Variants in SASH1 observed in about 807,000 individuals in gnomAD.
The protein encoded by SASH1 is SAM and SH3 domain containing 1, also known as SAM and SH3 domain-containing protein 1.
Under a neutral mutation model 125.2 loss-of-function variants are expected in SASH1, and 44 were observed. The ratio of observed to expected loss-of-function variants is 0.35; its 90% CI spans 0.28 to 0.45. The LOEUF (loss-of-function observed/expected upper bound fraction) is 0.45. Among genes scored for constraint, SASH1 ranks in the 20% least tolerant of loss-of-function variants. SASH1 has a pLI of 1.00. For synonymous variants in SASH1, 639 were observed against 649.1 expected (o/e 0.98, Z 0.24); for missense variants, 1,426 against 1,614.5 (o/e 0.88, Z 2.00).
chr6:148,518,972 C>CCTGT (rs1454973721), intron 9 of SASH1, among the ~76,000 whole-genome samples: 1 of 152,146 alleles, frequency 6.6e-6, no homozygotes, highest in Non-Finnish European at 1.5e-5. Flanking sequence ...TTGCATTTGG[C>CCTGT]CTGTCAGCTG....
intron 1 of SASH1, among the ~76,000 whole-genome samples, chr6:148,320,272 T>C (rs1263618225): frequency 4.6e-5 from 7 of 152,192 alleles, no homozygotes; most frequent in Admixed American, 4.6e-4. Flanking sequence ...TGTGGAAAGA[T>C]CTGGACAAGA....
At chr6:148,530,453 G>A (rs1478926848) in intron 12 of SASH1, among the ~76,000 whole-genome samples, 1 of 151,884 alleles carries the variant, frequency 6.6e-6, no homozygotes, top group Non-Finnish European at 1.5e-5. Context: ...AATAATGTCA[G>A]CTCTAGTTTT....
intron 1 of SASH1, among the ~76,000 whole-genome samples, chr6:148,281,106 C>CTTTTTTT (rs34144143): frequency 1.4e-5 from 1 of 69,238 alleles, no homozygotes; most frequent in Non-Finnish European, 2.6e-5. Flanking sequence ...CCATGCCTAG[C>CTTTTTTT]TTTTTTTTTT....
chr6:148,406,952 C>T (rs537305474), intron 2 of SASH1, among the ~76,000 whole-genome samples: 60 of 152,058 alleles, frequency 3.9e-4, no homozygotes, highest in Admixed American at 8.5e-4. Flanking sequence ...GAGAATCAGG[C>T]GCTCCAAGGG....
the SASH1 span, among the ~76,000 whole-genome samples, chr6:148,205,457 T>C: frequency 6.6e-6 from 1 of 152,216 alleles, no homozygotes; most frequent in Non-Finnish European, 1.5e-5. Flanking sequence ...GGTTGCATTA[T>C]GTGTGTCTCT....
At position 148,402,653 on chromosome 6, in the gene SASH1, C is replaced by T. The variant is rs138341477; in HGVS notation, c.285+12391C>T. 7.7e-3 allele frequency among the ~76,000 whole-genome samples: 1,096 copies of T among 142,756 alleles called. 11 individuals carry two copies. Among genetic ancestry groups the T allele is most frequent in the African/African-American group, 0.026 (967 of 37,794 alleles). The allele number at this position is 142,756 out of a possible 152,430, so 93.7% of individuals were successfully genotyped here. A position where few individuals can be genotyped will look rare whatever the true frequency, so the allele number is the denominator to read the frequency against. ...TTTTGGAGACAGAGTCTCGCTCGGTCGCCCAGGCTGGAATGCAGTGGCACG... is the reference window on the plus strand; with the variant it reads ...TTTTGGAGACAGAGTCTCGCTCGGTTGCCCAGGCTGGAATGCAGTGGCACG... On this transcript the variant is annotated intron_variant, in intron 2 of 19. Coordinates refer to ENST00000367467, the MANE Select transcript of SASH1 (RefSeq NM_015278.5).
At chr6:148,254,139 G>A in the SASH1 span, among the ~76,000 whole-genome samples, 2 of 151,822 alleles carry the variant, frequency 1.3e-5, no homozygotes, top group African/African-American at 2.4e-5. Flanking sequence ...CCTGGGAAGT[G>A]GAGGTTGCAG....
the SASH1 span, among the ~76,000 whole-genome samples, chr6:148,229,898 G>A: frequency 6.6e-6 from 1 of 152,028 alleles, no homozygotes; most frequent in South Asian, 2.1e-4. Flanking sequence ...TTTTAGCAGA[G>A]ACGGGGTTTC....
chr6:148,366,487 G>A (rs1160389831), intron 1 of SASH1, among the ~76,000 whole-genome samples: 1 of 152,186 alleles, frequency 6.6e-6, no homozygotes, highest in Non-Finnish European at 1.5e-5. Flanking sequence ...TGCATTTCTG[G>A]TGTCTGACTT....
intron 2 of SASH1, among the ~76,000 whole-genome samples, chr6:148,391,506 T>C (rs940392682): frequency 2.0e-5 from 3 of 152,108 alleles, no homozygotes; most frequent in African/African-American, 7.2e-5. Flanking sequence ...TTACTTAACA[T>C]TTTATTGCAG....
Position 148,353,605 on chromosome 6 carries a change from T to C in SASH1, c.156+10382T>C, listed in dbSNP as rs543237317. Among the ~76,000 whole-genome samples, 138 of 152,034 alleles carry C rather than the reference T, an allele frequency of 9.1e-4. 1 individual carries two copies. Among genetic ancestry groups the C allele is most frequent in the African/African-American group, 3.2e-3 (132 of 41,512 alleles). ...ATGCACCACCACACCTGGCTAATTTTTGTATTTTTAGTAGAGATGGGGTTT... is the reference window on the plus strand; with the variant it reads ...ATGCACCACCACACCTGGCTAATTTCTGTATTTTTAGTAGAGATGGGGTTT... On this transcript the variant is annotated intron_variant, in intron 1 of 19. Transcript: ENST00000367467.
At chr6:148,393,502 A>G (rs1014439765) in intron 2 of SASH1, among the ~76,000 whole-genome samples, 1 of 152,134 alleles carries the variant, frequency 6.6e-6, no homozygotes, top group Admixed American at 6.5e-5. Flanking sequence ...TCTTCTCAGG[A>G]TTCTAGCTGG....
chr6:148,348,206 C>G (rs1781581212), intron 1 of SASH1, among the ~76,000 whole-genome samples: 1 of 151,992 alleles, frequency 6.6e-6, no homozygotes, highest in Non-Finnish European at 1.5e-5. Flanking sequence ...AGGGTTTAGG[C>G]TGGTCTCAAA....
the SASH1 span, among the ~76,000 whole-genome samples, chr6:148,243,229 T>C: frequency 6.6e-6 from 1 of 152,098 alleles, no homozygotes; most frequent in Non-Finnish European, 1.5e-5. Flanking sequence ...GGCGGACAGA[T>C]CACCTGAGGT....
the SASH1 span, among the ~76,000 whole-genome samples, chr6:148,208,384 A>G: frequency 6.6e-6 from 1 of 152,242 alleles, no homozygotes; most frequent in South Asian, 2.1e-4. Context: ...CAATGAAGTC[A>G]GAAACTACAG....
chr6:148,261,701 G>A, the SASH1 span, among the ~76,000 whole-genome samples: 5 of 152,142 alleles, frequency 3.3e-5, no homozygotes, highest in African/African-American at 1.2e-4. Flanking sequence ...TGACAGTCCT[G>A]CATTCTGCCA....
At chr6:148,430,217 G>C (rs369700543) in intron 2 of SASH1, among the ~76,000 whole-genome samples, 2 of 152,324 alleles carry the variant, frequency 1.3e-5, no homozygotes, top group African/African-American at 4.8e-5. Flanking sequence ...AGGGAGCAGA[G>C]GACATGGTAA....
At chr6:148,244,959 TGAGAGAGA>T in the SASH1 span, among the ~76,000 whole-genome samples, 12 of 119,148 alleles carry the variant, frequency 1.0e-4, no homozygotes, top group East Asian at 2.8e-4. Context: ...TGTGTGTGTG[TGAGAGAGA>T]GAGAGAGAGA....
In SASH1 at chr6:148,551,802, AT is replaced by A. The variant is rs1194886529; in HGVS notation, c.*3249del. On this transcript the variant is annotated 3_prime_UTR_variant, in exon 20 of 20. Transcript: ENST00000367467. ...TATGAAATCAATATTTAAATAACTT[AT>A]TTTTCTCCATTGCTGTTCTTAAAAA... 6.6e-6 allele frequency: 1 copy of A among 152,630 alleles called. No individual in the cohort carries two copies. The highest frequency in any genetic ancestry group is 1.5e-5 in the Non-Finnish European group (1 of 68,026). 9.5% of individuals were successfully genotyped at this position (152,630 alleles called of 1,614,324 possible).
Sources: gnomAD v4.1 joint callset for allele counts (sites outside exome capture counted in the v4.1 genomes callset) on GRCh38, gnomAD v4.1.1 for gene constraint, MANE v1.5 for transcripts, NCBI Gene and HGNC (gene_info 2026-07-23, HGNC 2026-07-21) for gene names.